HIVEP1: variants seen among roughly 807,000 people sequenced by gnomAD.
HIVEP1 encodes the protein HIVEP zinc finger 1.
Under a neutral mutation model 180.0 loss-of-function variants are expected in HIVEP1, and 36 were observed. That is an observed-to-expected ratio of 0.20 (90% confidence interval 0.15 to 0.26). The LOEUF is 0.26. HIVEP1 is among the 10% of genes least tolerant of loss of function. HIVEP1 has a pLI of 1.00. For synonymous variants in HIVEP1, 1,239 were observed against 1,239.0 expected (o/e 1.00, Z 0.00); for missense variants, 3,143 against 3,268.7 (o/e 0.96, Z 0.94).
chr6:12,163,980 G>C lies in HIVEP1; in HGVS notation c.7676G>C (p.Ser2559Thr), dbSNP rs368428661. ...TTGCCCACCTTAATCCCCTCAGTCA[G>C]TCAAGTAGCCGTTGATGCACAGGGA... Reference protein sequence around the residue: ...IALPTLIPSVSQVAVDAQGAP... With the variant: ...IALPTLIPSVTQVAVDAQGAP... The change falls in exon 9 of 9, where the codon AGT (serine) becomes ACT (threonine). Residue 2559 changes from serine (S) to threonine (T), a missense_variant. By Grantham distance (58) the Ser-to-Thr change is moderately conservative. Coordinates refer to ENST00000379388, the MANE Select transcript of HIVEP1 (RefSeq NM_002114.4). 105 of 1,613,952 alleles carry C rather than the reference G, an allele frequency of 6.5e-5. No homozygotes were observed. The highest frequency in any genetic ancestry group is 8.5e-5 in the Non-Finnish European group (100 of 1,180,022).
chr6:12,050,470 C>T (rs1197416397), intron 2 of HIVEP1, among the ~76,000 whole-genome samples: 1 of 151,752 alleles, frequency 6.6e-6, no homozygotes, highest in Non-Finnish European at 1.5e-5. Context: ...CCTGTAGTCC[C>T]AGTTACTCGG....
upstream of HIVEP1, among the ~76,000 whole-genome samples, chr6:12,010,796 A>G (rs1399926161): frequency 6.6e-6 from 1 of 152,134 alleles, no homozygotes; most frequent in Non-Finnish European, 1.5e-5. Flanking sequence ...CTGCTTTGCC[A>G]TGGATTTCCA....
chr6:12,106,065 C>CAT (rs1362968099), intron 3 of HIVEP1, among the ~76,000 whole-genome samples: 2 of 151,290 alleles, frequency 1.3e-5, no homozygotes, highest in Non-Finnish European at 2.9e-5. Context: ...CACATATATA[C>CAT]ATATATATAC....
Position 12,161,456 on chromosome 6 carries a change from A to G in HIVEP1, c.6505A>G (p.Ser2169Gly). The change falls in exon 8 of 9, where the codon AGT (serine) becomes GGT (glycine). Residue 2169 changes from serine (S) to glycine (G), a missense_variant. Ser to Gly is a moderately conservative substitution (Grantham distance 56). This residue lies in a region of HIVEP1 where 126 missense variants were observed against 168.5 expected (regional missense o/e 0.75). Coordinates refer to ENST00000379388, the MANE Select transcript of HIVEP1 (RefSeq NM_002114.4). ...TEESDEKQRF[S>G]YERSGYDLEE... ...TTTATTAGATGAAAAACAGAGATTCAGTTATGAGCGATCTGGATATGATCT... is the reference window on the plus strand; with the variant it reads ...TTTATTAGATGAAAAACAGAGATTCGGTTATGAGCGATCTGGATATGATCT... 6.2e-7 allele frequency: 1 copy of G among 1,610,330 alleles called. No individual in the cohort carries two copies. Among genetic ancestry groups the G allele is most frequent in the Non-Finnish European group, 8.5e-7 (1 of 1,177,010 alleles).
intron 7 of HIVEP1, among the ~76,000 whole-genome samples, chr6:12,153,048 A>G (rs1166462722): frequency 1.3e-5 from 2 of 152,238 alleles, no homozygotes; most frequent in Non-Finnish European, 2.9e-5. Flanking sequence ...AAATATTTAT[A>G]ATATAACTGA....
chr6:12,102,275 A>G (rs1213326642), intron 3 of HIVEP1, among the ~76,000 whole-genome samples: 1 of 152,204 alleles, frequency 6.6e-6, no homozygotes, highest in Non-Finnish European at 1.5e-5. Context: ...CCACCCAAGA[A>G]CAACAGAATA....
chr6:12,016,730 C>T (rs546063182), intron 2 of HIVEP1, among the ~76,000 whole-genome samples: 112 of 152,296 alleles, frequency 7.4e-4, no homozygotes, highest in Admixed American at 2.5e-3. Context: ...TACATGAGAA[C>T]AAGTGTGGTG....
chr6:12,032,490 G>A (rs974922969), intron 2 of HIVEP1, among the ~76,000 whole-genome samples: 4 of 151,908 alleles, frequency 2.6e-5, no homozygotes, highest in Non-Finnish European at 5.9e-5. Flanking sequence ...GTGGTTTAGT[G>A]GGGGAAAAAA....
intron 2 of HIVEP1, among the ~76,000 whole-genome samples, chr6:12,016,793 G>A (rs1328458803): frequency 6.6e-6 from 1 of 152,176 alleles, no homozygotes; most frequent in African/African-American, 2.4e-5. Context: ...AATTGAATGT[G>A]TTTGCCCGTC....
chr6:12,061,743 T>C (rs993228393), intron 2 of HIVEP1, among the ~76,000 whole-genome samples: 1 of 152,178 alleles, frequency 6.6e-6, no homozygotes, highest in Non-Finnish European at 1.5e-5. Flanking sequence ...ATTATATTTG[T>C]CTTTTGTTTT....
rs1458634306 is a variant in HIVEP1, at chr6:12,125,277, G to A, written c.5482G>A (p.Val1828Ile). ...TCAACCTGAAATTAGTAATGAGGCT[G>A]TTAATTTGACAAATGTTTTACCAGC... Reference protein sequence around the residue: ...FSQPEISNEAVNLTNVLPADN... With the variant: ...FSQPEISNEAINLTNVLPADN... Residue 1828 changes from valine (V) to isoleucine (I), a missense_variant, in exon 4 of 9, where the codon GTT becomes ATT. Coordinates refer to ENST00000379388, the MANE Select transcript of HIVEP1 (RefSeq NM_002114.4). 1.9e-6 allele frequency: 3 copies of A among 1,614,050 alleles called. No homozygotes were observed. The highest frequency in any genetic ancestry group is 1.1e-5 in the South Asian group (1 of 91,050).
At chr6:12,015,006 C>T (rs1767641371) in intron 1 of HIVEP1, among the ~76,000 whole-genome samples, 1 of 152,216 alleles carries the variant, frequency 6.6e-6, no homozygotes, top group Admixed American at 6.5e-5. Context: ...AGTGAAGTCT[C>T]ATCCGCTCAC....
intron 3 of HIVEP1, among the ~76,000 whole-genome samples, chr6:12,107,839 AT>A (rs1774546971): frequency 6.6e-6 from 1 of 152,086 alleles, no homozygotes; most frequent in Non-Finnish European, 1.5e-5. Flanking sequence ...CATCCTGCTG[AT>A]TGGTAGAGCT....
rs762826747 is a variant in HIVEP1, at chr6:12,123,945, A to G, written c.4150A>G (p.Arg1384Gly). Residue 1384 changes from arginine (R) to glycine (G), a missense_variant, in exon 4 of 9, where the codon AGA becomes GGA. Physicochemically the swap from Arg to Gly is moderately radical, Grantham distance 125 (BLOSUM62 -2). Coordinates refer to ENST00000379388, the MANE Select transcript of HIVEP1 (RefSeq NM_002114.4). ...AACGTCAATGGAGGTCTCTGATCTC[A>G]GAAGCAAATCATTCGATTGTGGAAG... The part of the protein sequence containing the change: ...TQTSMEVSDL[R>G]SKSFDCGSIT... 2 of 1,614,186 alleles carry G rather than the reference A, an allele frequency of 1.2e-6. No individual in the cohort carries two copies. Among genetic ancestry groups the G allele is most frequent in the South Asian group, 1.1e-5 (1 of 91,082 alleles).
the HIVEP1 span, among the ~76,000 whole-genome samples, chr6:12,202,551 C>T: frequency 6.6e-6 from 1 of 152,160 alleles, no homozygotes; most frequent in East Asian, 1.9e-4. Context: ...TCTTAATTAT[C>T]CCCTGATACT....
At chr6:12,021,624 C>A (rs1768219711) in intron 2 of HIVEP1, among the ~76,000 whole-genome samples, 1 of 152,144 alleles carries the variant, frequency 6.6e-6, no homozygotes, top group Non-Finnish European at 1.5e-5. Context: ...TTAGAAGAGA[C>A]CATTTTGGTC....
the HIVEP1 span, among the ~76,000 whole-genome samples, chr6:12,203,889 C>T: frequency 6.6e-6 from 1 of 152,004 alleles, no homozygotes; most frequent in East Asian, 1.9e-4. Flanking sequence ...CCAGCCTGAC[C>T]AACATGGAGA....
chr6:12,099,183 G>GGTTTTTTTTTTTTTTTTTTTTTTT (rs373744044), intron 3 of HIVEP1, among the ~76,000 whole-genome samples: 148 of 138,420 alleles, frequency 1.1e-3, no homozygotes, highest in African/African-American at 3.8e-3. Flanking sequence ...ATGTCACTGA[G>GGTTTTTTTTTTTTTTTTTTTTTTT]TTTTTTTTTT....
At chr6:12,178,315 A>G in the HIVEP1 span, among the ~76,000 whole-genome samples, 1 of 152,376 alleles carries the variant, frequency 6.6e-6, no homozygotes, top group South Asian at 2.1e-4. Context: ...AGATCCGGGC[A>G]TGGTGGTGCC....
Sources: allele counts gnomAD v4.1 joint callset (sites outside exome capture counted in the v4.1 genomes callset), GRCh38; gene constraint gnomAD v4.1.1; regional missense constraint gnomAD v4.1.1; transcripts MANE v1.5; gene names NCBI Gene and HGNC (gene_info 2026-07-23, HGNC 2026-07-21).